Variants in NDST2 observed in about 807,000 individuals in gnomAD.
NDST2 encodes the protein N-deacetylase and N-sulfotransferase 2.
Under a neutral mutation model 86.9 loss-of-function variants are expected in NDST2, and 32 were observed. The observed-to-expected ratio is 0.37, with a 90% confidence interval of 0.28 to 0.49. The LOEUF (loss-of-function observed/expected upper bound fraction) is 0.49, where lower values mean the gene tolerates loss of function less well. Among genes scored for constraint, NDST2 ranks in the 20% least tolerant of loss-of-function variants. The pLI, the probability that NDST2 is intolerant of heterozygous loss-of-function variation, is 0.97. For missense variants in NDST2, 950 were observed against 1,146.9 expected (o/e 0.83, Z 2.48); for synonymous variants, 409 against 437.0 (o/e 0.94, Z 0.80).
intron 8 of NDST2, 82 bp from the exon 9 acceptor site, chr10:73,804,951 G>T: frequency 2.7e-6 from 2 of 748,012 alleles, no homozygotes; most frequent in Admixed American, 4.8e-5. Flanking sequence ...GCCCAGGCTG[G>T]AGTGCAATGC....
In NDST2 at chr10:73,804,501, TGTG is replaced by T. The variant is rs2084064390; in HGVS notation, c.1843+269_1843+271del. Among the ~76,000 whole-genome samples, 4 of 151,892 alleles carry T rather than the reference TGTG, an allele frequency of 2.6e-5. 1 individual carries two copies. The highest frequency in any genetic ancestry group is 2.6e-4 in the Admixed American group (4 of 15,270). ...ACTAAAAATACAAAAATTAGCCAGG[TGTG>T]GTGGCACCTGCCTGTAATCCCAGCT... is the stretch of plus-strand genomic sequence containing the variant. On this transcript the variant is annotated intron_variant, in intron 9 of 14. Coordinates refer to ENST00000309979, the MANE Select transcript of NDST2 (RefSeq NM_003635.4).
chr10:73,810,240 T>C (rs2084172491), intron 2 of NDST2, among the ~76,000 whole-genome samples: 1 of 152,090 alleles, frequency 6.6e-6, no homozygotes, highest in Non-Finnish European at 1.5e-5. Flanking sequence ...GGGTGATCAC[T>C]TGAGGTCAGG....
In NDST2 at chr10:73,807,639, G is replaced by C. The variant is rs775070753; in HGVS notation, c.750C>G (p.Pro250=). 2 of 1,614,212 alleles carry C rather than the reference G, an allele frequency of 1.2e-6. No homozygotes were observed. Among genetic ancestry groups the C allele is most frequent in the South Asian group, 1.1e-5 (1 of 91,086 alleles). ...GACGAAGAACTGGTCCTGGCACTGC[G>C]GGCTCAGCTGGCCGAAGGCTGGCAA... ...VLLASLRPAE[P]AVPGPVLRRA... The change falls in exon 3 of 15, where the codon CCC becomes CCG. Residue 250 remains proline (P), a synonymous_variant. Coordinates refer to ENST00000309979, the MANE Select transcript of NDST2 (RefSeq NM_003635.4).
chr10:73,809,914 T>TA (rs1440176372), intron 2 of NDST2, among the ~76,000 whole-genome samples: 1 of 152,124 alleles, frequency 6.6e-6, no homozygotes, highest in African/African-American at 2.4e-5. Flanking sequence ...TAATTTTTTT[T>TA]AGAGATGGGG....
rs199569088 is a variant in NDST2 at position 73,807,116 on chromosome 10, T to C, written c.1085A>G (p.Tyr362Cys). ...TFNLGFSGKF[Y>C]HTGTEEEDAG... ...TAGGGGTATAAGCTCACCAGTATGATAGAACTTGCCCGAGAAGCCCAAGTT... is the reference window on the plus strand; with the variant it reads ...TAGGGGTATAAGCTCACCAGTATGACAGAACTTGCCCGAGAAGCCCAAGTT... Residue 362 changes from tyrosine (Y) to cysteine (C), a missense_variant, in exon 4 of 15, where the codon TAT (tyrosine) becomes TGT (cysteine). Coordinates refer to ENST00000309979, the MANE Select transcript of NDST2 (RefSeq NM_003635.4). 63 of 1,613,444 alleles carry C rather than the reference T, an allele frequency of 3.9e-5. No homozygotes were observed. The East Asian group carries it at 9.8e-4, about 25-fold the overall frequency.
At chr10:73,804,902 A>AT (rs112868774) in intron 8 of NDST2, 33 bp from the exon 9 acceptor site, 213,818 of 968,570 alleles carry the variant, frequency 0.22, 1,732 homozygotes, top group South Asian at 0.25. Context: ...GATAAGGCCT[A>AT]TTTTTTTTTT....
rs1261581815 is a variant in NDST2 at position 73,803,965 on chromosome 10, C to T, written c.1895G>A (p.Ser632Asn). ...FLSLHPAVTS[S>N]FPSPSTFEEI... ...CTCAAATGTGCTGGGGCTAGGGAAG[C>T]TGCTAGTTACAGCTGGGTGCAGGCT... Residue 632 changes from serine (S) to asparagine (N), a missense_variant, in exon 10 of 15, where the codon AGC becomes AAC. Around this residue, in one of 5 missense-constraint regions of NDST2, gnomAD observed 303 missense variants for 323.7 expected, o/e 0.94. Coordinates refer to ENST00000309979, the MANE Select transcript of NDST2 (RefSeq NM_003635.4). The T allele has an allele frequency of 6.2e-6, 10 of 1,613,998 alleles. No homozygotes were observed. The Admixed American group carries it at 1.5e-4, about 24-fold the overall frequency.
Position 73,806,501 on chromosome 10 carries a change from G to C in NDST2, c.1249-27C>G. 1 of 1,564,698 alleles carries C rather than the reference G, an allele frequency of 6.4e-7. No homozygotes were observed. Among genetic ancestry groups the C allele is most frequent in the Non-Finnish European group, 8.7e-7 (1 of 1,153,546 alleles). Reference sequence around the variant, plus strand: ...TGGGAATGGCATAGACTCTCACCAGGACCTGGTGAGGTTTGGGGAGTAGAG... The same window carrying C: ...TGGGAATGGCATAGACTCTCACCAGCACCTGGTGAGGTTTGGGGAGTAGAG... On this transcript the variant is annotated intron_variant, in intron 5 of 14. Coordinates refer to ENST00000309979, the MANE Select transcript of NDST2 (RefSeq NM_003635.4). The surrounding 1 kb of genome is among the most constrained non-coding windows in gnomAD (Gnocchi z 4.5).
In NDST2 at chr10:73,806,683, T is replaced by C; in HGVS notation, c.1222A>G (p.Met408Val). ...AGAGCAAACTGTTTGTTGAGCCTCATCTGGTCAGCCAGCACGGAGCGATTG... is the reference window on the plus strand; with the variant it reads ...AGAGCAAACTGTTTGTTGAGCCTCACCTGGTCAGCCAGCACGGAGCGATTG... ...FHNRSVLADQ[M>V]RLNKQFALEH... The change falls in exon 5 of 15, where the codon ATG becomes GTG. Residue 408 changes from methionine to valine, a missense_variant. Met to Val is a conservative substitution (Grantham distance 21). Coordinates refer to ENST00000309979, the MANE Select transcript of NDST2 (RefSeq NM_003635.4). The surrounding 1 kb of genome is among the most constrained non-coding windows in gnomAD (Gnocchi z 4.5). 1 of 1,614,138 alleles carries C rather than the reference T, an allele frequency of 6.2e-7. No homozygotes were observed. The highest frequency in any genetic ancestry group is 8.5e-7 in the Non-Finnish European group (1 of 1,179,968).
intron 2 of NDST2, 99 bp downstream of exon 2, chr10:73,810,700 A>G (rs763199372): frequency 1.3e-5 from 5 of 396,014 alleles, no homozygotes; most frequent in Non-Finnish European, 2.2e-5. Flanking sequence ...TAAGAGCTTC[A>G]CATATATTTA....
rs1204227770 is a variant in NDST2 at position 73,802,729 on chromosome 10, T to C, written c.2471A>G (p.Lys824Arg). Residue 824 changes from lysine to arginine, a missense_variant, in exon 14 of 15, where the codon AAG becomes AGG. Lys to Arg is a conservative substitution (Grantham distance 26). Coordinates refer to ENST00000309979, the MANE Select transcript of NDST2 (RefSeq NM_003635.4). ...TTTGCTCCGGCCTAGACAGCGAGTC[T>C]TACCACCTTCAAGTCCCTGGCACCA... ...GFWCQGLEGGKTRCLGRSKGR... is the reference protein window; with the variant it reads ...GFWCQGLEGGRTRCLGRSKGR... 2.5e-6 allele frequency: 4 copies of C among 1,614,070 alleles called. No homozygotes were observed. The highest frequency in any genetic ancestry group is 2.2e-5 in the East Asian group (1 of 44,900).
rs41305012 is a variant in NDST2, at chr10:73,806,565, G to A, written c.1249-91C>T. ...GGGAAGCCTCCAAATAAAGAAAAACGCAAAGGATAGGAAAAGGGTAGCCCA... is the reference window on the plus strand; with the variant it reads ...GGGAAGCCTCCAAATAAAGAAAAACACAAAGGATAGGAAAAGGGTAGCCCA... On this transcript the variant is annotated intron_variant, in intron 5 of 14. Transcript: ENST00000309979. This position sits in a 1 kb window ranked among gnomAD's most constrained non-coding sequence, Gnocchi z 4.5. 0.017 allele frequency: 26,437 copies of A among 1,561,578 alleles called. 277 individuals carry two copies. Among genetic ancestry groups the A allele is most frequent in the Non-Finnish European group, 0.02 (23,073 of 1,148,534 alleles).
Position 73,806,277 on chromosome 10 carries a change from G to A in NDST2, c.1434+12C>T. On this transcript the variant is annotated intron_variant, in intron 6 of 14. Coordinates refer to ENST00000309979, the MANE Select transcript of NDST2 (RefSeq NM_003635.4). This position sits in a 1 kb window ranked among gnomAD's most constrained non-coding sequence, Gnocchi z 4.5. Reference sequence around the variant, plus strand: ...TAGAGTTTGATTCAAGCCTGTATTGGGAGTCCCTCACCATAATGCCATTGT... The same window carrying A: ...TAGAGTTTGATTCAAGCCTGTATTGAGAGTCCCTCACCATAATGCCATTGT... 6.2e-7 allele frequency: 1 copy of A among 1,613,208 alleles called. No individual in the cohort carries two copies. Among genetic ancestry groups the A allele is most frequent in the Non-Finnish European group, 8.5e-7 (1 of 1,179,840 alleles).
Position 73,802,280 on chromosome 10 carries a change from T to G in NDST2, c.*171A>C. The G allele has an allele frequency of 2.9e-6, 2 of 683,272 alleles. No homozygotes were observed. The highest frequency in any genetic ancestry group is 4.9e-6 in the Non-Finnish European group (2 of 410,794). 42.3% of individuals were successfully genotyped at this position (683,272 alleles called of 1,614,324 possible). A position where few individuals can be genotyped will look rare whatever the true frequency, so the allele number is the denominator to read the frequency against. On this transcript the variant is annotated 3_prime_UTR_variant, in exon 15 of 15. Coordinates refer to ENST00000309979, the MANE Select transcript of NDST2 (RefSeq NM_003635.4). The stretch of plus-strand genomic sequence containing the variant: ...GTACCAAAGGAAGCCCCTTTATTTG[T>G]CCCAGAACTGTGGGAAAAGGATACC...
Position 73,807,677 on chromosome 10 carries a change from C to T in NDST2, c.712G>A (p.Glu238Lys), listed in dbSNP as rs2084128240. The T allele has an allele frequency of 6.2e-7, 1 of 1,614,220 alleles. No individual in the cohort carries two copies. Among genetic ancestry groups the T allele is most frequent in the Non-Finnish European group, 8.5e-7 (1 of 1,180,052 alleles). ...CGAAGGCTGGCAAGAAGCACTGGTT[C>T]ATATGTACTATGATTGGATTGGAAG... is the stretch of plus-strand genomic sequence containing the variant. ...TIFQSNHSTY[E>K]PVLLASLRPA... The change falls in exon 3 of 15, where the codon GAA (glutamate) becomes AAA (lysine). Residue 238 changes from glutamate to lysine, a missense_variant. By Grantham distance (56) the Glu-to-Lys change is moderately conservative (BLOSUM62 1). Transcript: ENST00000309979.
At chr10:73,810,668 T>TA in intron 2 of NDST2, 131 bp downstream of exon 2, 1 of 393,062 alleles carries the variant, frequency 2.5e-6, no homozygotes, top group Non-Finnish European at 4.5e-6. Context: ...TTTGAGAAAT[T>TA]ACAACTTGCC....
In NDST2 at chr10:73,806,803, C is replaced by T; in HGVS notation, c.1102G>A (p.Glu368Lys). Residue 368 changes from glutamate to lysine, a missense_variant, in exon 5 of 15, where the codon GAG becomes AAG. Glu to Lys is a moderately conservative substitution (Grantham distance 56). Transcript: ENST00000309979. The surrounding 1 kb of genome is among the most constrained non-coding windows in gnomAD (Gnocchi z 4.5). ...SGKFYHTGTE[E>K]EDAGDDMLLK... ...AGCATGTCGTCCCCTGCATCCTCCT[C>T]CTCTGTCCCTATGACCACACGCTGA... 1 of 1,614,044 alleles carries T rather than the reference C, an allele frequency of 6.2e-7. No homozygotes were observed. Among genetic ancestry groups the T allele is most frequent in the Non-Finnish European group, 8.5e-7 (1 of 1,179,920 alleles).
intron 9 of NDST2, among the ~76,000 whole-genome samples, chr10:73,804,294 A>G (rs1191650444): frequency 1.3e-5 from 2 of 152,136 alleles, no homozygotes; most frequent in African/African-American, 2.4e-5. Flanking sequence ...GCCTCAAGAG[A>G]CTGGATCAAT....
In NDST2 at chr10:73,802,224, G is replaced by A. The variant is rs2083995897; in HGVS notation, c.*227C>T. ...ATTCCTCCCCACCTCCCAAGATGAT[G>A]GGTCAAAGGTACCTAGCACTATTAT... On this transcript the variant is annotated 3_prime_UTR_variant, in exon 15 of 15. Transcript: ENST00000309979. 5 of 592,954 alleles carry A rather than the reference G, an allele frequency of 8.4e-6. No individual in the cohort carries two copies. Among genetic ancestry groups the A allele is most frequent in the South Asian group, 6.2e-5 (3 of 48,236 alleles). 36.7% of individuals were successfully genotyped at this position (592,954 alleles called of 1,614,324 possible).
Sources: allele counts gnomAD v4.1 joint callset (sites outside exome capture counted in the v4.1 genomes callset), GRCh38; gene constraint gnomAD v4.1.1; regional missense constraint gnomAD v4.1.1; non-coding constraint Gnocchi (gnomAD v3.1); transcripts MANE v1.5; gene names NCBI Gene and HGNC (gene_info 2026-07-23, HGNC 2026-07-21).